The following SLX4IP variants were observed in gnomAD, a reference collection of about 807,000 sequenced individuals.
SLX4IP encodes the protein SLX4 interacting protein.
In SLX4IP, 34 loss-of-function variants were observed where a neutral mutation model predicts 32.9. The ratio of observed to expected loss-of-function variants is 1.03; its 90% CI spans 0.79 to 1.38. The LOEUF is 1.38. Among genes scored for constraint, SLX4IP ranks in the 40% most tolerant of loss-of-function variants. The probability of loss-of-function intolerance (pLI) is 0.00; values close to 1 mark genes in which losing one functional copy is unlikely to be tolerated. For missense variants in SLX4IP, 444 were observed against 479.0 expected (o/e 0.93, Z 0.68); for synonymous variants, 172 against 171.7 (o/e 1.00, Z -0.01).
At chr20:10,577,307 C>T (rs933907879) in intron 4 of SLX4IP, among the ~76,000 whole-genome samples, 1 of 152,058 alleles carries the variant, frequency 6.6e-6, no homozygotes, top group African/African-American at 2.4e-5. Flanking sequence ...CATGCTTTCC[C>T]CCCTTCATTT....
In SLX4IP at chr20:10,624,963, C is replaced by A. The variant is rs2067156190; in HGVS notation, c.*1584C>A. ...CTGTCCCATGATCCCAGCCTCACCA[C>A]CCCCACTTGAAACAGCCCTTCCTAC... On this transcript the variant is annotated 3_prime_UTR_variant, in exon 8 of 8. Coordinates refer to ENST00000334534, the MANE Select transcript of SLX4IP (RefSeq NM_001009608.3). 1 of 152,440 alleles carries A rather than the reference C, an allele frequency of 6.6e-6. No individual in the cohort carries two copies. The allele number at this position is 152,440 out of a possible 1,614,324, so 9.4% of individuals were successfully genotyped here.
intron 2 of SLX4IP, among the ~76,000 whole-genome samples, chr20:10,536,599 A>G (rs1021176405): frequency 1.3e-5 from 2 of 152,204 alleles, no homozygotes. Context: ...CCTTGGCTGC[A>G]GGTAACTTTA....
At position 10,596,080 on chromosome 20, in the gene SLX4IP, A is replaced by G. The variant is rs920433449; in HGVS notation, c.239-2595A>G. 3.3e-5 allele frequency among the ~76,000 whole-genome samples: 5 copies of G among 152,072 alleles called. No homozygotes were observed. In the East Asian group the frequency reaches 7.7e-4, roughly 23 times the overall value. ...CTGCCTTATACTGCTTTCTTTTTCTATAGGGGAAGGTGTCATATTGAGACT... is the reference window on the plus strand; with the variant it reads ...CTGCCTTATACTGCTTTCTTTTTCTGTAGGGGAAGGTGTCATATTGAGACT... On this transcript the variant is annotated intron_variant, in intron 4 of 7. Transcript: ENST00000334534.
At chr20:10,620,171 T>G (rs917537158) in intron 6 of SLX4IP, among the ~76,000 whole-genome samples, 1 of 152,198 alleles carries the variant, frequency 6.6e-6, no homozygotes, top group Admixed American at 6.5e-5. Flanking sequence ...GACAACTTAC[T>G]AAAGCTGTTT....
intron 4 of SLX4IP, among the ~76,000 whole-genome samples, chr20:10,573,121 C>T (rs2066485192): frequency 6.6e-6 from 1 of 152,214 alleles, no homozygotes. Flanking sequence ...AGCCATTCTC[C>T]CCGGCATCCC....
At chr20:10,574,607 C>T (rs532387056) in intron 4 of SLX4IP, among the ~76,000 whole-genome samples, 1 of 152,208 alleles carries the variant, frequency 6.6e-6, no homozygotes, top group South Asian at 2.1e-4. Context: ...AACTGGAAAG[C>T]TCACAACAGC....
intron 2 of SLX4IP, among the ~76,000 whole-genome samples, chr20:10,469,051 A>T (rs2065403164): frequency 1.3e-5 from 2 of 152,176 alleles, no homozygotes; most frequent in South Asian, 2.1e-4. Flanking sequence ...TCGCAAAAAA[A>T]ATCTCATAAT....
intron 6 of SLX4IP, among the ~76,000 whole-genome samples, chr20:10,621,038 A>G (rs1000293173): frequency 5.9e-5 from 9 of 152,206 alleles, no homozygotes; most frequent in Non-Finnish European, 7.3e-5. Flanking sequence ...ATATTGGCCA[A>G]GAGTTCCCAG....
At chr20:10,523,409 C>T (rs900801361) in intron 2 of SLX4IP, among the ~76,000 whole-genome samples, 3 of 152,210 alleles carry the variant, frequency 2.0e-5, no homozygotes, top group Admixed American at 6.5e-5. Flanking sequence ...CCTAAATTGT[C>T]TTCCTTCTTT....
At chr20:10,476,283 G>A (rs2065475057) in intron 2 of SLX4IP, among the ~76,000 whole-genome samples, 1 of 152,086 alleles carries the variant, frequency 6.6e-6, no homozygotes, top group African/African-American at 2.4e-5. Context: ...GTTGGGAGAG[G>A]ACCCAACCTT....
intron 4 of SLX4IP, among the ~76,000 whole-genome samples, chr20:10,588,232 T>C (rs979770274): frequency 1.3e-5 from 2 of 152,090 alleles, no homozygotes; most frequent in Admixed American, 6.5e-5. Flanking sequence ...AGAAAACATA[T>C]AATTGTAAAC....
At chr20:10,581,796 C>T (rs1009749984) in intron 4 of SLX4IP, among the ~76,000 whole-genome samples, 10 of 152,046 alleles carry the variant, frequency 6.6e-5, no homozygotes, top group Non-Finnish European at 1.0e-4. Flanking sequence ...GTGGTGTGCA[C>T]CTGGAGTCCT....
chr20:10,571,150 T>C (rs1390328599), intron 4 of SLX4IP, among the ~76,000 whole-genome samples: 1 of 152,136 alleles, frequency 6.6e-6, no homozygotes, highest in African/African-American at 2.4e-5. Context: ...CCCTTTTTTA[T>C]TGGGCAGCAT....
In SLX4IP at chr20:10,458,249, G is replaced by A. The variant is rs201331849; in HGVS notation, c.27+18G>A. 9,216 of 1,568,024 alleles carry A rather than the reference G, an allele frequency of 5.9e-3. 264 individuals carry two copies. In the South Asian group the frequency reaches 0.07, roughly 12 times the overall value. On this transcript the variant is annotated intron_variant, in intron 2 of 7. Coordinates refer to ENST00000334534, the MANE Select transcript of SLX4IP (RefSeq NM_001009608.3). The stretch of plus-strand genomic sequence containing the variant: ...CTGTTAAAGTAAGTAATGTTTAATA[G>A]CTTTTTAAAAAGAGGCTAATCACTT...
chr20:10,498,133 G>A (rs1294359480), intron 2 of SLX4IP, among the ~76,000 whole-genome samples: 1 of 147,290 alleles, frequency 6.8e-6, no homozygotes, highest in African/African-American at 2.5e-5. Flanking sequence ...AACAATTATT[G>A]GCATCCTAGA....
At chr20:10,520,458 G>C (rs1222568340) in intron 2 of SLX4IP, among the ~76,000 whole-genome samples, 1 of 152,186 alleles carries the variant, frequency 6.6e-6, no homozygotes, top group African/African-American at 2.4e-5. Context: ...CTCCCATTCT[G>C]TGAATTGTCT....
At chr20:10,446,086 T>A (rs11696995) in intron 1 of SLX4IP, among the ~76,000 whole-genome samples, 74,383 of 151,576 alleles carry the variant, frequency 0.49, 19,694 homozygotes, top group Non-Finnish European at 0.6. Flanking sequence ...GAAGGATGTC[T>A]GGGTTGTTTC....
At chr20:10,485,282 G>GAC (rs1224685891) in intron 2 of SLX4IP, among the ~76,000 whole-genome samples, 1 of 152,136 alleles carries the variant, frequency 6.6e-6, no homozygotes, top group East Asian at 1.9e-4. Context: ...TAGGGCTACT[G>GAC]ACTCTCTCTA....
rs567386421 is a variant in SLX4IP at position 10,618,011 on chromosome 20, A to C, written c.406-3303A>C. Among the ~76,000 whole-genome samples the C allele has an allele frequency of 8.5e-5, 13 of 152,306 alleles. No homozygotes were observed. The South Asian group carries it at 2.5e-3, about 29-fold the overall frequency. On this transcript the variant is annotated intron_variant, in intron 6 of 7. Coordinates refer to ENST00000334534, the MANE Select transcript of SLX4IP (RefSeq NM_001009608.3). ...GGCAAGAAGGATATCTTAGGCACCT[A>C]GCTCATCCTGGTGGGGACTCTCTTT...
Sources: gnomAD v4.1 joint callset for allele counts (sites outside exome capture counted in the v4.1 genomes callset) on GRCh38, gnomAD v4.1.1 for gene constraint, MANE v1.5 for transcripts, NCBI Gene and HGNC (gene_info 2026-07-23, HGNC 2026-07-21) for gene names.